FRK: variants seen among roughly 807,000 people sequenced by gnomAD.
FRK encodes the protein fyn related Src family tyrosine kinase.
In FRK, 51 loss-of-function variants were observed where a neutral mutation model predicts 56.4. The ratio of observed to expected loss-of-function variants is 0.90; its 90% CI spans 0.72 to 1.14. The LOEUF is 1.14. Ranked by LOEUF, FRK falls within the 50% of genes most tolerant of loss-of-function variation. The pLI, the probability that FRK is intolerant of heterozygous loss-of-function variation, is 0.00. For synonymous variants in FRK, 245 were observed against 217.9 expected (o/e 1.12, Z -1.10); for missense variants, 570 against 601.4 (o/e 0.95, Z 0.55).
chr6:115,951,664 T>G (rs1418384961), intron 5 of FRK, among the ~76,000 whole-genome samples: 1 of 152,218 alleles, frequency 6.6e-6, no homozygotes, highest in Non-Finnish European at 1.5e-5. Context: ...AAAAAATATG[T>G]ATGTTATTTC....
chr6:115,991,254 A>G (rs1235260431), intron 2 of FRK, among the ~76,000 whole-genome samples: 1 of 151,580 alleles, frequency 6.6e-6, no homozygotes, highest in Non-Finnish European at 1.5e-5. Flanking sequence ...AATTTAAATG[A>G]CTTTTATTTC....
chr6:116,002,901 G>A (rs998271800), intron 2 of FRK, among the ~76,000 whole-genome samples: 4 of 152,174 alleles, frequency 2.6e-5, no homozygotes, highest in Non-Finnish European at 5.9e-5. Context: ...AATACAGACA[G>A]CCTGGCCAGA....
chr6:116,072,915 G>A, the FRK span, among the ~76,000 whole-genome samples: 1 of 152,056 alleles, frequency 6.6e-6, no homozygotes, highest in African/African-American at 2.4e-5. Context: ...GGTGCTCCCT[G>A]GAAAATAAAA....
intron 2 of FRK, among the ~76,000 whole-genome samples, chr6:115,998,224 T>A (rs1349735158): frequency 6.6e-6 from 1 of 152,204 alleles, no homozygotes; most frequent in Non-Finnish European, 1.5e-5. Flanking sequence ...GATTCCACCG[T>A]GTGTGTTCCT....
intron 1 of FRK, among the ~76,000 whole-genome samples, chr6:116,025,993 T>C (rs1422886926): frequency 6.6e-6 from 1 of 152,178 alleles, no homozygotes; most frequent in East Asian, 1.9e-4. Flanking sequence ...CACAGGGTTA[T>C]TGCAAAGAGT....
At chr6:115,958,769 G>GC (rs1773194455) in intron 4 of FRK, among the ~76,000 whole-genome samples, 1 of 35,170 alleles carries the variant, frequency 2.8e-5, no homozygotes, top group Non-Finnish European at 5.5e-5. Flanking sequence ...GAAAGAAAGA[G>GC]GGGGGGGAAG....
chr6:115,946,707 T>A (rs888384444), intron 5 of FRK, among the ~76,000 whole-genome samples: 4 of 152,012 alleles, frequency 2.6e-5, no homozygotes, highest in Non-Finnish European at 5.9e-5. Flanking sequence ...ATATTGAGGG[T>A]GGGCAGAGGA....
chr6:116,021,707 C>T (rs1282732087), intron 1 of FRK, among the ~76,000 whole-genome samples: 1 of 152,056 alleles, frequency 6.6e-6, no homozygotes, highest in African/African-American at 2.4e-5. Flanking sequence ...CATAAATTTT[C>T]TTAGCATGCC....
intron 2 of FRK, among the ~76,000 whole-genome samples, chr6:115,991,094 T>C (rs1426295139): frequency 1.3e-5 from 2 of 151,782 alleles, no homozygotes; most frequent in Non-Finnish European, 3.0e-5. Context: ...TGTATAAAGA[T>C]GCAACTAATT....
At chr6:115,953,614 AC>A (rs1374473046) in intron 5 of FRK, among the ~76,000 whole-genome samples, 1 of 152,122 alleles carries the variant, frequency 6.6e-6, no homozygotes, top group Non-Finnish European at 1.5e-5. Flanking sequence ...GATAAACTTG[AC>A]CCTAATGGCC....
chr6:116,027,864 G>A (rs1157609148), intron 1 of FRK, among the ~76,000 whole-genome samples: 1 of 151,904 alleles, frequency 6.6e-6, no homozygotes, highest in Non-Finnish European at 1.5e-5. Context: ...ATATATAGGA[G>A]TGGACAGGAC....
rs987865461 is a variant in FRK at position 115,941,413 on chromosome 6, A to G, written c.*1001T>C. On this transcript the variant is annotated 3_prime_UTR_variant, in exon 8 of 8. Transcript: ENST00000606080. ...ATGTAGACGACGGGTTGATGGGTGC[A>G]GCAAACCACCATGGCACTTGTACAC... 6.6e-6 allele frequency: 1 copy of G among 152,180 alleles called. No individual in the cohort carries two copies. The highest frequency in any genetic ancestry group is 1.5e-5 in the Non-Finnish European group (1 of 68,028). The allele number at this position is 152,180 out of a possible 1,614,324, so 9.4% of individuals were successfully genotyped here.
At chr6:115,999,927 T>C (rs528062509) in intron 2 of FRK, among the ~76,000 whole-genome samples, 1 of 152,348 alleles carries the variant, frequency 6.6e-6, no homozygotes, top group South Asian at 2.1e-4. Flanking sequence ...AGCAATCAGA[T>C]AATTTGTTTA....
At chr6:115,963,075 A>G (rs1465006508) in intron 4 of FRK, among the ~76,000 whole-genome samples, 2 of 59,900 alleles carry the variant, frequency 3.3e-5, no homozygotes, top group Non-Finnish European at 6.8e-5. Context: ...ATAGAGACAC[A>G]AAAAAACCTT....
chr6:116,041,265 A>G (rs1368762248), intron 1 of FRK, among the ~76,000 whole-genome samples: 1 of 152,194 alleles, frequency 6.6e-6, no homozygotes, highest in Non-Finnish European at 1.5e-5. Flanking sequence ...TTTATCTGAA[A>G]TGTCACTGTA....
At chr6:115,958,675 A>G (rs1308445205) in intron 4 of FRK, among the ~76,000 whole-genome samples, 2 of 3,568 alleles carry the variant, frequency 5.6e-4, no homozygotes, top group Non-Finnish European at 1.2e-3. Flanking sequence ...AAAGAAAGAA[A>G]GAAAGAAAGA....
chr6:115,953,191 T>C (rs1479072966), intron 5 of FRK, among the ~76,000 whole-genome samples: 1 of 120,694 alleles, frequency 8.3e-6, no homozygotes, highest in South Asian at 3.2e-4. Flanking sequence ...TTTTTTTTTT[T>C]TTTTTTTTTT....
In FRK at chr6:115,934,291, A is replaced by G. The variant is rs1331373391; in HGVS notation, c.*8123T>C. The G allele has an allele frequency of 2.0e-5, 3 of 152,218 alleles. No homozygotes were observed. 9.4% of individuals were successfully genotyped at this position (152,218 alleles called of 1,614,324 possible). A position where few individuals can be genotyped will look rare whatever the true frequency, so the allele number is the denominator to read the frequency against. ...TGACCACATTCCCAGATTCAGAGTC[A>G]GAACTTATTTTAATCCAATCAGCAC... On this transcript the variant is annotated 3_prime_UTR_variant, in exon 8 of 8. Transcript: ENST00000606080.
chr6:116,091,626 G>A, the FRK span, among the ~76,000 whole-genome samples: 5 of 152,086 alleles, frequency 3.3e-5, no homozygotes, highest in South Asian at 2.1e-4. Context: ...GACCCCTTTC[G>A]CTTGCTATTC....
Sources: allele counts gnomAD v4.1 joint callset (sites outside exome capture counted in the v4.1 genomes callset), GRCh38; gene constraint gnomAD v4.1.1; transcripts MANE v1.5; gene names NCBI Gene and HGNC (gene_info 2026-07-23, HGNC 2026-07-21).